JAZF1: variants seen among roughly 807,000 people sequenced by gnomAD.
The protein encoded by JAZF1 is JAZF zinc finger 1.
A neutral mutation model predicts 26.4 loss-of-function variants in JAZF1; 8 were observed. That is an observed-to-expected ratio of 0.30 (90% confidence interval 0.18 to 0.55). The LOEUF (loss-of-function observed/expected upper bound fraction) is 0.55. Ranked by LOEUF, JAZF1 falls within the 20% of genes least tolerant of loss-of-function variation. The probability of loss-of-function intolerance (pLI) is 0.94; values close to 1 mark genes in which losing one functional copy is unlikely to be tolerated. For synonymous variants in JAZF1, 126 were observed against 122.3 expected (o/e 1.03, Z -0.20); for missense variants, 199 against 322.0 (o/e 0.62, Z 2.92).
At chr7:28,132,624 T>A (rs911204938) in intron 1 of JAZF1, among the ~76,000 whole-genome samples, 1 of 152,232 alleles carries the variant, frequency 6.6e-6, no homozygotes. Context: ...TTCTGTGTAA[T>A]GATGACCCTT....
intron 2 of JAZF1, among the ~76,000 whole-genome samples, chr7:27,958,212 TC>T (rs1479558284): frequency 6.6e-6 from 1 of 152,216 alleles, no homozygotes; most frequent in Admixed American, 6.5e-5. Context: ...TAACATTCAT[TC>T]CTGTTCTTAA....
At chr7:28,021,221 G>A (rs1008644773) in intron 1 of JAZF1, among the ~76,000 whole-genome samples, 2 of 152,176 alleles carry the variant, frequency 1.3e-5, no homozygotes, top group Non-Finnish European at 2.9e-5. Context: ...TGGGAGAGCA[G>A]CATTTTTTCT....
intron 1 of JAZF1, among the ~76,000 whole-genome samples, chr7:28,092,290 C>CCAAAAAAAAAAAAAAAAAAAA (rs1784310777): frequency 3.1e-4 from 4 of 12,802 alleles, no homozygotes; most frequent in African/African-American, 8.6e-4. Context: ...GGACAAAAGG[C>CCAAAAAAAAAAAAAAAAAAAA]AAAAAAAAAA....
chr7:27,984,240 AAAGGG>A (rs1785650322), intron 2 of JAZF1, among the ~76,000 whole-genome samples: 1 of 152,210 alleles, frequency 6.6e-6, no homozygotes, highest in Non-Finnish European at 1.5e-5. Flanking sequence ...GGCTCAAAAT[AAAGGG>A]ATGGAGGAAG....
chr7:28,028,228 T>C (rs1425867096), intron 1 of JAZF1, among the ~76,000 whole-genome samples: 1 of 152,198 alleles, frequency 6.6e-6, no homozygotes, highest in East Asian at 1.9e-4. Context: ...CTCTGGGTAT[T>C]TCATTGCTTG....
At chr7:27,974,477 A>G (rs1312925354) in intron 2 of JAZF1, among the ~76,000 whole-genome samples, 4 of 152,218 alleles carry the variant, frequency 2.6e-5, no homozygotes, top group Non-Finnish European at 4.4e-5. Flanking sequence ...GAAACACTTC[A>G]AACTGAACTG....
chr7:27,987,272 G>A (rs945637468), intron 2 of JAZF1, among the ~76,000 whole-genome samples: 33 of 149,188 alleles, frequency 2.2e-4, no homozygotes, highest in Admixed American at 5.3e-4. Context: ...CCGACGCCCC[G>A]TCTGGGATGT....
intron 2 of JAZF1, among the ~76,000 whole-genome samples, chr7:27,908,477 G>A (rs559553024): frequency 1.9e-4 from 29 of 152,132 alleles, no homozygotes; most frequent in African/African-American, 6.5e-4. Flanking sequence ...GCCTTTTGTT[G>A]CAAGAGTTCA....
chr7:28,123,866 G>A (rs1782647910), intron 1 of JAZF1, among the ~76,000 whole-genome samples: 1 of 152,176 alleles, frequency 6.6e-6, no homozygotes, highest in African/African-American at 2.4e-5. Flanking sequence ...TAATATTACT[G>A]TTTCTGATCA....
chr7:28,126,148 C>T (rs1346569289), intron 1 of JAZF1, among the ~76,000 whole-genome samples: 1 of 152,136 alleles, frequency 6.6e-6, no homozygotes, highest in East Asian at 1.9e-4. Flanking sequence ...TTCATAATCT[C>T]CATCATCCCC....
At chr7:28,124,837 A>C (rs138823357) in intron 1 of JAZF1, among the ~76,000 whole-genome samples, 1 of 152,226 alleles carries the variant, frequency 6.6e-6, no homozygotes, top group African/African-American at 2.4e-5. Flanking sequence ...CAAAATGCTA[A>C]ACTGTACAAT....
intron 1 of JAZF1, among the ~76,000 whole-genome samples, chr7:28,016,738 A>T (rs1782900326): frequency 1.3e-5 from 2 of 152,070 alleles, no homozygotes; most frequent in African/African-American, 4.8e-5. Context: ...ATCCCTCCCT[A>T]AAGAGCCTGT....
intron 2 of JAZF1, among the ~76,000 whole-genome samples, chr7:27,903,988 C>T (rs1198923818): frequency 6.6e-6 from 1 of 152,166 alleles, no homozygotes; most frequent in Non-Finnish European, 1.5e-5. Context: ...AGATTCCAAG[C>T]ACTCCCAAAT....
intron 2 of JAZF1, among the ~76,000 whole-genome samples, chr7:27,979,365 CA>C (rs1785535289): frequency 9.6e-6 from 1 of 104,660 alleles, no homozygotes; most frequent in Non-Finnish European, 1.8e-5. Context: ...AGGTACACTA[CA>C]TTTTTTTTTT....
chr7:27,942,580 G>A (rs371878099), intron 2 of JAZF1, among the ~76,000 whole-genome samples: 5 of 152,306 alleles, frequency 3.3e-5, no homozygotes, highest in African/African-American at 1.2e-4. Context: ...GAGGAAAGAA[G>A]AGAAGAAAGG....
intron 3 of JAZF1, among the ~76,000 whole-genome samples, chr7:27,849,679 T>A (rs1387070485): frequency 3.0e-4 from 45 of 151,910 alleles, no homozygotes; most frequent in Non-Finnish European, 4.7e-4. Context: ...CTGGGGAGCT[T>A]CTACTGGTTG....
chr7:28,017,356 A>G (rs1782913311), intron 1 of JAZF1, among the ~76,000 whole-genome samples: 1 of 151,960 alleles, frequency 6.6e-6, no homozygotes, highest in Admixed American at 6.6e-5. Flanking sequence ...TTCAGAAAAA[A>G]AAAAAAAAAA....
intron 1 of JAZF1, among the ~76,000 whole-genome samples, chr7:28,045,629 T>G (rs1783483444): frequency 6.6e-6 from 1 of 152,116 alleles, no homozygotes; most frequent in South Asian, 2.1e-4. Flanking sequence ...AAGTTTGGAG[T>G]ATAGTGACAT....
At chr7:28,047,259 G>T (rs566138453) in intron 1 of JAZF1, among the ~76,000 whole-genome samples, 1 of 152,126 alleles carries the variant, frequency 6.6e-6, no homozygotes, top group South Asian at 2.1e-4. Flanking sequence ...TTTAAAATCT[G>T]GTGGGGCATA....
Sources: allele counts gnomAD v4.1 joint callset (sites outside exome capture counted in the v4.1 genomes callset), GRCh38; gene constraint gnomAD v4.1.1; transcripts MANE v1.5; gene names NCBI Gene and HGNC (gene_info 2026-07-23, HGNC 2026-07-21).